RXFP2: variants seen among roughly 807,000 people sequenced by gnomAD.
RXFP2 encodes relaxin family peptide receptor 2.
In RXFP2, 68 loss-of-function variants were observed where a neutral mutation model predicts 88.6. The observed-to-expected ratio is 0.77, with a 90% CI of 0.63 to 0.94. The LOEUF (loss-of-function observed/expected upper bound fraction) is 0.94, where lower values mean the gene tolerates loss of function less well. RXFP2 is among the 40% of genes least tolerant of loss of function. The pLI is 0.00. For synonymous variants in RXFP2, 329 were observed against 306.8 expected (o/e 1.07, Z -0.76); for missense variants, 791 against 893.9 (o/e 0.88, Z 1.47).
intron 17 of RXFP2, among the ~76,000 whole-genome samples, chr13:31,798,727 T>G (rs1403021399): frequency 6.6e-6 from 1 of 152,198 alleles, no homozygotes; most frequent in Non-Finnish European, 1.5e-5. Flanking sequence ...CCAGGCCCAC[T>G]GGAATGATTG....
rs1184980952 is a variant in RXFP2 at position 31,774,497 on chromosome 13, G to T, written c.498-123G>T. 1.4e-5 allele frequency: 10 copies of T among 714,536 alleles called. No individual in the cohort carries two copies. The Admixed American group carries it at 2.0e-4, about 14-fold the overall frequency. The allele number at this position is 714,536 out of a possible 1,614,324, so 44.3% of individuals were successfully genotyped here. On this transcript the variant is annotated intron_variant, in intron 5 of 17. Coordinates refer to ENST00000298386, the MANE Select transcript of RXFP2 (RefSeq NM_130806.5). ...CACTGACAACATCTCCCCAACATGA[G>T]AATAGGACTTCGTACTTCAATTTCA...
At chr13:31,787,776 A>G (rs1873614122) in intron 13 of RXFP2, among the ~76,000 whole-genome samples, 1 of 152,182 alleles carries the variant, frequency 6.6e-6, no homozygotes, top group Admixed American at 6.5e-5. Context: ...AGTAGCTGGG[A>G]TTACAGGCGA....
At chr13:31,787,346 G>T (rs1238038688) in intron 13 of RXFP2, among the ~76,000 whole-genome samples, 3 of 152,190 alleles carry the variant, frequency 2.0e-5, no homozygotes, top group African/African-American at 7.2e-5. Context: ...ATTAATGCAA[G>T]ATTTAGGTTT....
chr13:31,763,383 G>A (rs575704897), intron 3 of RXFP2, among the ~76,000 whole-genome samples: 21 of 152,194 alleles, frequency 1.4e-4, no homozygotes, highest in African/African-American at 4.6e-4. Context: ...CGCATGCCCA[G>A]CCTGGAGACA....
chr13:31,778,614 T>A, intron 9 of RXFP2, 31 bp downstream of exon 9: 1 of 1,430,162 alleles, frequency 7.0e-7, no homozygotes, highest in Non-Finnish European at 9.9e-7. Flanking sequence ...TAATTTGTTA[T>A]TTGCCCTGAT....
chr13:31,765,116 G>C lies in RXFP2; in HGVS notation c.399G>C (p.Pro133=), dbSNP rs767342161. 1.2e-6 allele frequency: 2 copies of C among 1,605,522 alleles called. No homozygotes were observed. Among genetic ancestry groups the C allele is most frequent in the African/African-American group, 1.3e-5 (1 of 74,740 alleles). Reference sequence around the variant, plus strand: ...TAAATGGTGACTTAAAGTCTGTGCCGATGATTTCTAACAATGTGACATTAC... The same window carrying C: ...TAAATGGTGACTTAAAGTCTGTGCCCATGATTTCTAACAATGTGACATTAC... The part of the protein sequence containing the change: ...ECVNGDLKSV[P]MISNNVTLLS... The change falls in exon 4 of 18, where the codon CCG becomes CCC. Residue 133 remains proline (P), a synonymous_variant. Coordinates refer to ENST00000298386, the MANE Select transcript of RXFP2 (RefSeq NM_130806.5).
At chr13:31,744,995 C>G (rs948010076) in intron 1 of RXFP2, among the ~76,000 whole-genome samples, 2 of 152,018 alleles carry the variant, frequency 1.3e-5, no homozygotes, top group African/African-American at 2.4e-5. Flanking sequence ...ATGGTGAAAC[C>G]CTGTCTCTAC....
At chr13:31,761,546 A>G (rs184512681) in intron 2 of RXFP2, among the ~76,000 whole-genome samples, 178 bp from the exon 3 acceptor site, 25 of 152,334 alleles carry the variant, frequency 1.6e-4, no homozygotes, top group Non-Finnish European at 2.9e-4. Context: ...TTTTCATGTA[A>G]AAAAGGGACA....
Position 31,773,361 on chromosome 13 carries a change from G to T in RXFP2, c.498-1259G>T, listed in dbSNP as rs189487643. 5.0e-3 allele frequency among the ~76,000 whole-genome samples: 759 copies of T among 151,972 alleles called. 4 individuals carry two copies. Among genetic ancestry groups the T allele is most frequent in the African/African-American group, 0.018 (729 of 41,438 alleles). The stretch of plus-strand genomic sequence containing the variant: ...ATGGAGGAACATAGGGAAAATGACC[G>T]TATTTGTAAAGTACTTGGGGTAAAA... On this transcript the variant is annotated intron_variant, in intron 5 of 17. Transcript: ENST00000298386.
intron 2 of RXFP2, among the ~76,000 whole-genome samples, chr13:31,758,734 G>A (rs1446384310): frequency 2.0e-5 from 3 of 152,084 alleles, no homozygotes; most frequent in Non-Finnish European, 2.9e-5. Flanking sequence ...ATTTGGTTCA[G>A]CTTCAAGAAT....
chr13:31,752,566 C>T (rs1308693541), intron 1 of RXFP2, among the ~76,000 whole-genome samples: 1 of 152,152 alleles, frequency 6.6e-6, no homozygotes, highest in Non-Finnish European at 1.5e-5. Context: ...ACAACAACAA[C>T]AACCACCAAG....
intron 5 of RXFP2, 112 bp from the exon 6 acceptor site, chr13:31,774,508 C>A: frequency 1.4e-6 from 1 of 735,760 alleles, no homozygotes; most frequent in Admixed American, 1.9e-5. Context: ...AATAGGACTT[C>A]GTACTTCAAT....
intron 13 of RXFP2, 32 bp from the exon 14 acceptor site, chr13:31,789,090 A>G: frequency 2.9e-6 from 4 of 1,368,096 alleles, no homozygotes; most frequent in East Asian, 2.3e-5. Flanking sequence ...TTTCATCTCA[A>G]CACCATTAAA....
At chr13:31,743,487 T>A (rs938430822) in intron 1 of RXFP2, among the ~76,000 whole-genome samples, 5 of 151,256 alleles carry the variant, frequency 3.3e-5, no homozygotes, top group African/African-American at 1.2e-4. Flanking sequence ...AAAAAAAAAA[T>A]TAAAGAATTG....
At chr13:31,796,223 G>C (rs1874037248) in intron 16 of RXFP2, among the ~76,000 whole-genome samples, 2 of 149,536 alleles carry the variant, frequency 1.3e-5, no homozygotes, top group African/African-American at 4.9e-5. Flanking sequence ...CTAATTTTTT[G>C]TATTTTTAGT....
At chr13:31,799,023 G>A (rs925472324) in intron 17 of RXFP2, among the ~76,000 whole-genome samples, 1 of 152,130 alleles carries the variant, frequency 6.6e-6, no homozygotes, top group African/African-American at 2.4e-5. Context: ...TTCTTAGTGT[G>A]TCCATTGTGT....
intron 5 of RXFP2, among the ~76,000 whole-genome samples, chr13:31,768,964 G>A (rs1361707347): frequency 6.6e-6 from 1 of 152,096 alleles, no homozygotes; most frequent in Non-Finnish European, 1.5e-5. Context: ...AAACCAGATG[G>A]GCCTCAGCCA....
chr13:31,748,185 G>A (rs966729598), intron 1 of RXFP2, among the ~76,000 whole-genome samples: 1 of 152,202 alleles, frequency 6.6e-6, no homozygotes, highest in Non-Finnish European at 1.5e-5. Flanking sequence ...TAATTCTGCT[G>A]TGAACATTCT....
chr13:31,782,424 A>G (rs947468381), intron 10 of RXFP2, among the ~76,000 whole-genome samples: 5 of 152,238 alleles, frequency 3.3e-5, no homozygotes, highest in African/African-American at 1.2e-4. Flanking sequence ...TAAAATAATT[A>G]GATCCAAACA....
Sources: gnomAD v4.1 joint callset for allele counts (sites outside exome capture counted in the v4.1 genomes callset) on GRCh38, gnomAD v4.1.1 for gene constraint, MANE v1.5 for transcripts, NCBI Gene and HGNC (gene_info 2026-07-23, HGNC 2026-07-21) for gene names.